The following SLC2A5 variants were observed in gnomAD, a reference collection of about 807,000 sequenced individuals.
The protein encoded by SLC2A5 is solute carrier family 2, facilitated glucose transporter member 5.
A neutral mutation model predicts 50.3 loss-of-function variants in SLC2A5; 56 were observed. That is an observed-to-expected ratio of 1.11 (90% CI 0.90 to 1.39). The LOEUF (loss-of-function observed/expected upper bound fraction) is 1.39, where lower values mean the gene tolerates loss of function less well. Ranked by LOEUF, SLC2A5 falls within the 40% of genes most tolerant of loss-of-function variation. The pLI, the probability that SLC2A5 is intolerant of heterozygous loss-of-function variation, is 0.00. For missense variants in SLC2A5, 566 were observed against 650.1 expected (o/e 0.87, Z 1.41); for synonymous variants, 269 against 281.9 (o/e 0.95, Z 0.46).
At chr1:9,058,444 T>C (rs1641820976) in intron 1 of SLC2A5, among the ~76,000 whole-genome samples, 194 bp from the exon 2 acceptor site, 1 of 152,086 alleles carries the variant, frequency 6.6e-6, no homozygotes, top group Non-Finnish European at 1.5e-5. Context: ...ACACTTGGGG[T>C]CTGATAATTC....
upstream of SLC2A5, chr1:9,072,147 T>C: frequency 6.6e-6 from 1 of 152,096 alleles, no homozygotes; most frequent in Non-Finnish European, 1.5e-5. Flanking sequence ...CGGACCAGCC[T>C]CCAGGCCCCT....
chr1:9,059,536 C>CTTTTTTTTT (rs58395185), intron 1 of SLC2A5, among the ~76,000 whole-genome samples: 3,097 of 98,320 alleles, frequency 0.031, 547 homozygotes, highest in African/African-American at 0.13. Flanking sequence ...TACAGAGAAT[C>CTTTTTTTTT]TTTTTTTTTT....
chr1:9,039,590 C>T lies in SLC2A5; in HGVS notation c.958G>A (p.Gly320Ser), dbSNP rs1351088115. 1.9e-6 allele frequency: 3 copies of T among 1,575,302 alleles called. No homozygotes were observed. The highest frequency in any genetic ancestry group is 1.2e-5 in the South Asian group (1 of 86,004). ...ATGACCACGTTCACGGCCCCGGTGC[C>T]GGCCGTCACGTACTGCACGTGCTCC... ...PEEHVQYVTA[G>S]TGAVNVVMTF... The change falls in exon 8 of 12, where the codon GGC (glycine) becomes AGC (serine). Residue 320 changes from glycine (G) to serine (S), a missense_variant. Physicochemically the swap from Gly to Ser is moderately conservative, Grantham distance 56. Transcript: ENST00000377424.
At chr1:9,064,019 G>C (rs1383568643) in intron 1 of SLC2A5, among the ~76,000 whole-genome samples, 1 of 151,832 alleles carries the variant, frequency 6.6e-6, no homozygotes, top group Non-Finnish European at 1.5e-5. Flanking sequence ...ATAGAGACAG[G>C]GTCTTGCTAT....
chr1:9,060,350 C>A (rs535847102), intron 1 of SLC2A5, among the ~76,000 whole-genome samples: 92 of 134,678 alleles, frequency 6.8e-4, no homozygotes, highest in African/African-American at 2.5e-3. Flanking sequence ...ACACGCCCCC[C>A]AAATGTACAC....
At chr1:9,082,715 C>T (rs140079511) in intron 2 of SLC2A5, 48 of 301,136 alleles carry the variant, frequency 1.6e-4, no homozygotes, top group African/African-American at 1.0e-3. Flanking sequence ...GGAAAGGCTC[C>T]TATGTTTTTG....
intron 11 of SLC2A5, 44 bp from the exon 12 acceptor site, chr1:9,037,833 C>T: frequency 1.2e-6 from 2 of 1,613,858 alleles, no homozygotes; most frequent in South Asian, 2.2e-5. Flanking sequence ...CGTGGTTTGC[C>T]CAGGGGCTCG....
intron 2 of SLC2A5, among the ~76,000 whole-genome samples, chr1:9,082,059 G>C (rs1025085718): frequency 2.6e-5 from 4 of 152,142 alleles, no homozygotes; most frequent in African/African-American, 4.8e-5. Flanking sequence ...CCCAGCCTGG[G>C]AGACAGAGCA....
chr1:9,038,952 A>C, intron 8 of SLC2A5, 23 bp from the exon 9 acceptor site: 1 of 1,603,714 alleles, frequency 6.2e-7, no homozygotes, highest in African/African-American at 1.3e-5. Flanking sequence ...GGCAGGGCTC[A>C]GGCGGGAGAG....
chr1:9,052,102 G>A (rs1054116480), intron 3 of SLC2A5, among the ~76,000 whole-genome samples: 2 of 152,154 alleles, frequency 1.3e-5, no homozygotes, highest in African/African-American at 4.8e-5. Flanking sequence ...TGGCCAACAT[G>A]GTGAAACCCC....
At chr1:9,054,511 A>G (rs952638995) in intron 3 of SLC2A5, among the ~76,000 whole-genome samples, 3 of 152,236 alleles carry the variant, frequency 2.0e-5, no homozygotes, top group African/African-American at 7.2e-5. Context: ...GATAAATTTG[A>G]AAGCAACTGA....
chr1:9,044,381 T>C (rs1641387359), intron 4 of SLC2A5, among the ~76,000 whole-genome samples: 1 of 152,052 alleles, frequency 6.6e-6, no homozygotes, highest in Non-Finnish European at 1.5e-5. Context: ...AGCCAATGAA[T>C]ACCTTCAGTC....
intron 3 of SLC2A5, among the ~76,000 whole-genome samples, chr1:9,056,328 G>A (rs1641750708): frequency 6.6e-6 from 1 of 152,032 alleles, no homozygotes; most frequent in Admixed American, 6.6e-5. Flanking sequence ...GGGGTTACAG[G>A]CACCCACCAC....
intron 4 of SLC2A5, among the ~76,000 whole-genome samples, chr1:9,044,145 A>G (rs1483214045): frequency 3.3e-5 from 5 of 150,988 alleles, no homozygotes; most frequent in Non-Finnish European, 2.9e-5. Flanking sequence ...CCTAGCCAAC[A>G]TGGTGAAACC....
intron 8 of SLC2A5, 92 bp from the exon 9 acceptor site, chr1:9,039,021 G>A (rs1186377516): frequency 4.2e-6 from 6 of 1,443,606 alleles, no homozygotes; most frequent in Middle Eastern, 2.3e-4. Context: ...AGAGCTGGGC[G>A]GACCGGGTGC....
At chr1:9,085,591 C>T in intron 1 of SLC2A5, among the ~76,000 whole-genome samples, 1 of 152,120 alleles carries the variant, frequency 6.6e-6, no homozygotes, top group South Asian at 2.1e-4. Flanking sequence ...ACTGTTGGTG[C>T]TGGAGAGGTT....
chr1:9,039,581 CCCCGG>C lies in SLC2A5; in HGVS notation c.962_966del (p.Thr321SerfsTer79). ...CAGAAGGTCATGACCACGTTCACGG[CCCCGG>C]TGCCGGCCGTCACGTACTGCACGTG... is the stretch of plus-strand genomic sequence containing the variant. On this transcript the variant is annotated frameshift_variant, in exon 8 of 12. Transcript: ENST00000377424. LOFTEE classifies it high-confidence loss of function. The C allele has an allele frequency of 1.9e-6, 3 of 1,575,652 alleles. No individual in the cohort carries two copies. The South Asian group carries it at 3.5e-5, about 18-fold the overall frequency.
upstream of SLC2A5, among the ~76,000 whole-genome samples, chr1:9,074,009 A>G (rs6698663): frequency 0.47 from 70,576 of 151,742 alleles, 16,806 homozygotes; most frequent in East Asian, 0.7. Context: ...GAACCCAGGT[A>G]GTGGAGGTTG....
rs545422890 is a variant in SLC2A5, at chr1:9,040,731, C to G, written c.572-542G>C. Reference sequence around the variant, plus strand: ...ATGAAGCACAGAGCTTCACAAATGCCTAGAGGGCCGTGTGTGGTTCTGAGT... The same window carrying G: ...ATGAAGCACAGAGCTTCACAAATGCGTAGAGGGCCGTGTGTGGTTCTGAGT... On this transcript the variant is annotated intron_variant, in intron 5 of 11. Coordinates refer to ENST00000377424, the MANE Select transcript of SLC2A5 (RefSeq NM_003039.3). The surrounding 1 kb of genome is among the most constrained non-coding windows in gnomAD (Gnocchi z 4.3). 1 of 154,772 alleles carries G rather than the reference C, an allele frequency of 6.5e-6. No homozygotes were observed. Among genetic ancestry groups the G allele is most frequent in the Admixed American group, 6.4e-5 (1 of 15,684 alleles). The allele number at this position is 154,772 out of a possible 1,614,324, so 9.6% of individuals were successfully genotyped here. A position where few individuals can be genotyped will look rare whatever the true frequency, so the allele number is the denominator to read the frequency against.
Sources: allele counts gnomAD v4.1 joint callset (sites outside exome capture counted in the v4.1 genomes callset), GRCh38; gene constraint gnomAD v4.1.1; non-coding constraint Gnocchi (gnomAD v3.1); transcripts MANE v1.5; gene names NCBI Gene and HGNC (gene_info 2026-07-23, HGNC 2026-07-21).